The following GIMAP8 variants were observed in gnomAD, a reference collection of about 807,000 sequenced individuals.
The protein encoded by GIMAP8 is GTPase, IMAP family member 8, also known as GTPase IMAP family member 8.
A neutral mutation model predicts 35.6 loss-of-function variants in GIMAP8; 29 were observed. The ratio of observed to expected loss-of-function variants is 0.81; its 90% CI spans 0.61 to 1.11. The LOEUF (loss-of-function observed/expected upper bound fraction) is 1.11. Among genes scored for constraint, GIMAP8 ranks in the 50% most tolerant of loss-of-function variants. The probability of loss-of-function intolerance (pLI) is 0.00; values close to 1 mark genes in which losing one functional copy is unlikely to be tolerated. For synonymous variants in GIMAP8, 335 were observed against 308.7 expected (o/e 1.09, Z -0.89); for missense variants, 811 against 805.0 (o/e 1.01, Z -0.09).
rs372916812 is a variant in GIMAP8, at chr7:150,477,124, G to A, written c.1342G>A (p.Gly448Arg). The change falls in exon 5 of 5, where the codon GGG (glycine) becomes AGG (arginine). Residue 448 changes from glycine to arginine, a missense_variant. By Grantham distance (125) the Gly-to-Arg change is moderately radical (BLOSUM62 -2). Transcript: ENST00000307271. Reference sequence around the variant, plus strand: ...GAACATTGTCCTTGTGGGGAGAAGCGGGACTGGGAAGAGTGCGACCGGGAA... The same window carrying A: ...GAACATTGTCCTTGTGGGGAGAAGCAGGACTGGGAAGAGTGCGACCGGGAA... ...TLNIVLVGRS[G>R]TGKSATGNSI... 1.8e-5 allele frequency: 29 copies of A among 1,607,442 alleles called. No individual in the cohort carries two copies. The highest frequency in any genetic ancestry group is 9.3e-5 in the African/African-American group (7 of 74,900).
At chr7:150,454,028 A>C (rs1466129526) in intron 1 of GIMAP8, among the ~76,000 whole-genome samples, 2 of 152,130 alleles carry the variant, frequency 1.3e-5, no homozygotes, top group Non-Finnish European at 2.9e-5. Flanking sequence ...AGTGTGATAG[A>C]GACCTAAGGG....
intron 1 of GIMAP8, among the ~76,000 whole-genome samples, chr7:150,458,409 T>C (rs1371460694): frequency 6.6e-6 from 1 of 152,192 alleles, no homozygotes; most frequent in African/African-American, 2.4e-5. Context: ...ACTGATTGGA[T>C]GAGGCCCACC....
At chr7:150,477,060 G>A in intron 4 of GIMAP8, 32 bp from the exon 5 acceptor site, 1 of 1,544,760 alleles carries the variant, frequency 6.5e-7, no homozygotes, top group Non-Finnish European at 8.9e-7. Flanking sequence ...ATCAGCCCAT[G>A]GTCACGAATC....
chr7:150,475,921 G>C (rs35644663), intron 4 of GIMAP8, among the ~76,000 whole-genome samples: 23,516 of 152,164 alleles, frequency 0.15, 2,238 homozygotes, highest in Non-Finnish European at 0.21. Flanking sequence ...AATCTTGGTG[G>C]AGATGGGGGT....
intron 1 of GIMAP8, among the ~76,000 whole-genome samples, chr7:150,460,982 C>T (rs745809945): frequency 9.9e-5 from 15 of 152,212 alleles, no homozygotes; most frequent in Non-Finnish European, 2.1e-4. Context: ...TATTCATAGA[C>T]AATAGCAAGG....
chr7:150,460,849 C>T (rs147721697), intron 1 of GIMAP8, among the ~76,000 whole-genome samples: 9 of 152,330 alleles, frequency 5.9e-5, no homozygotes, highest in African/African-American at 9.6e-5. Flanking sequence ...GGAGTCCTTC[C>T]GTGCACACCT....
intron 1 of GIMAP8, among the ~76,000 whole-genome samples, chr7:150,452,681 T>TAG (rs1214392705): frequency 1.1e-5 from 1 of 91,724 alleles, no homozygotes; most frequent in Non-Finnish European, 2.2e-5. Context: ...GTGAGATATA[T>TAG]ATATATATAT....
intron 1 of GIMAP8, among the ~76,000 whole-genome samples, chr7:150,461,435 C>T (rs1313468342): frequency 2.0e-5 from 3 of 152,156 alleles, no homozygotes; most frequent in African/African-American, 7.2e-5. Context: ...AGTTATTATA[C>T]TCTCTTGCTC....
chr7:150,453,413 G>A (rs1801662202), intron 1 of GIMAP8, among the ~76,000 whole-genome samples: 1 of 152,232 alleles, frequency 6.6e-6, no homozygotes, highest in Admixed American at 6.5e-5. Flanking sequence ...GGCCCTTGTG[G>A]GCTTTGCCTC....
At chr7:150,476,549 C>A (rs1049496093) in intron 4 of GIMAP8, among the ~76,000 whole-genome samples, 5 of 151,876 alleles carry the variant, frequency 3.3e-5, no homozygotes, top group Admixed American at 2.0e-4. Flanking sequence ...CATGTCCTAA[C>A]TAAGGAAACT....
chr7:150,463,681 T>C (rs182008149), intron 1 of GIMAP8, among the ~76,000 whole-genome samples: 3 of 152,306 alleles, frequency 2.0e-5, no homozygotes, highest in Admixed American at 1.3e-4. Context: ...TAAGATTTCC[T>C]GGGGATAGAG....
At chr7:150,471,460 A>G (rs1437749396) in intron 3 of GIMAP8, among the ~76,000 whole-genome samples, 2 of 152,256 alleles carry the variant, frequency 1.3e-5, no homozygotes, top group Admixed American at 6.5e-5. Context: ...CTGAGTATCC[A>G]GTCGTGAATA....
At position 150,477,568 on chromosome 7, in the gene GIMAP8, C is replaced by CG. The variant is rs767963134; in HGVS notation, c.1788dup (p.Arg597AlafsTer6). The CG allele has an allele frequency of 6.2e-7, 1 of 1,613,988 alleles. No homozygotes were observed. Among genetic ancestry groups the CG allele is most frequent in the African/African-American group, 1.3e-5 (1 of 74,896 alleles). On this transcript the variant is annotated frameshift_variant, in exon 5 of 5. Transcript: ENST00000307271. LOFTEE classifies it low-confidence loss of function (END_TRUNC). ...TCGGCGCATTTTTAAAAAGTGTGGG[C>CG]GGCGAGTTTGTGCTTTTAACAACAA...
intron 1 of GIMAP8, among the ~76,000 whole-genome samples, chr7:150,458,589 C>G (rs1801778690): frequency 6.6e-6 from 1 of 152,174 alleles, no homozygotes; most frequent in Non-Finnish European, 1.5e-5. Context: ...CTCACCTTAT[C>G]CATCTGGAAT....
At chr7:150,456,543 A>G (rs1328698273) in intron 1 of GIMAP8, among the ~76,000 whole-genome samples, 1 of 152,206 alleles carries the variant, frequency 6.6e-6, no homozygotes, top group Non-Finnish European at 1.5e-5. Context: ...CAGACCACTG[A>G]GCCCACCTGG....
At chr7:150,468,971 G>A (rs1222716969) in intron 2 of GIMAP8, among the ~76,000 whole-genome samples, 4 of 152,166 alleles carry the variant, frequency 2.6e-5, no homozygotes, top group African/African-American at 9.7e-5. Context: ...TTCCTTGAGG[G>A]CTGCATGGAA....
intron 1 of GIMAP8, among the ~76,000 whole-genome samples, chr7:150,463,370 G>A (rs11769211): frequency 0.28 from 43,126 of 151,912 alleles, 6,620 homozygotes; most frequent in East Asian, 0.41. Flanking sequence ...TCTGTTACTA[G>A]AGAATTATTG....
At position 150,477,145 on chromosome 7, in the gene GIMAP8, G is replaced by A. The variant is rs773372677; in HGVS notation, c.1363G>A (p.Gly455Arg). The change falls in exon 5 of 5, where the codon GGG becomes AGG. Residue 455 changes from glycine to arginine, a missense_variant. Coordinates refer to ENST00000307271, the MANE Select transcript of GIMAP8 (RefSeq NM_175571.4). The stretch of plus-strand genomic sequence containing the variant: ...AAGCGGGACTGGGAAGAGTGCGACC[G>A]GGAACTCTATCCTGGGGAGCCTCGT... ...GRSGTGKSAT[G>R]NSILGSLVFT... 3.1e-6 allele frequency: 5 copies of A among 1,613,520 alleles called. No homozygotes were observed. The highest frequency in any genetic ancestry group is 2.2e-5 in the South Asian group (2 of 91,076).
chr7:150,457,275 G>A (rs866751480), intron 1 of GIMAP8, among the ~76,000 whole-genome samples: 16 of 152,198 alleles, frequency 1.1e-4, no homozygotes, highest in African/African-American at 3.4e-4. Flanking sequence ...GCGATTTTCC[G>A]CCCTGGGTGG....
Sources: allele counts gnomAD v4.1 joint callset (sites outside exome capture counted in the v4.1 genomes callset), GRCh38; gene constraint gnomAD v4.1.1; transcripts MANE v1.5; gene names NCBI Gene and HGNC (gene_info 2026-07-23, HGNC 2026-07-21).